Variants in NXPE2 observed in about 807,000 individuals in gnomAD.
The protein encoded by NXPE2 is neurexophilin and PC-esterase domain family member 2, also known as NXPE family member 2.
NXPE2 carries 34 observed loss-of-function variants against 34.4 expected under a neutral mutation model. That is an observed-to-expected ratio of 0.99 (90% CI 0.75 to 1.31). NXPE2 has a LOEUF of 1.31. Ranked by LOEUF, NXPE2 falls within the 40% of genes most tolerant of loss-of-function variation. The pLI, the probability that NXPE2 is intolerant of heterozygous loss-of-function variation, is 0.00. For missense variants in NXPE2, 649 were observed against 672.5 expected, an observed-to-expected ratio of 0.97 and a Z score of 0.39; for synonymous variants, 235 against 231.3, an observed-to-expected ratio of 1.02 and a Z score of -0.15.
the NXPE2 span, among the ~76,000 whole-genome samples, chr11:114,718,183 C>A: frequency 6.6e-6 from 1 of 152,158 alleles, no homozygotes; most frequent in Non-Finnish European, 1.5e-5. Context: ...GGATTCAAAT[C>A]CCAACCTGGT....
the NXPE2 span, among the ~76,000 whole-genome samples, chr11:114,598,671 G>T: frequency 1.1e-4 from 16 of 150,602 alleles, no homozygotes; most frequent in Admixed American, 8.7e-4. Context: ...GGGCCTCTTT[G>T]AGCCATGGCT....
At chr11:114,512,913 C>T in the NXPE2 span, 2 of 311,520 alleles carry the variant, frequency 6.4e-6, no homozygotes, top group African/African-American at 4.4e-5. Flanking sequence ...CAGTATTGAC[C>T]TGAGAGGTGC....
At chr11:114,737,976 A>G in the NXPE2 span, among the ~76,000 whole-genome samples, 2 of 152,084 alleles carry the variant, frequency 1.3e-5, no homozygotes, top group African/African-American at 4.8e-5. Context: ...ATTCCCGGCT[A>G]CTCAGGAGGC....
the NXPE2 span, among the ~76,000 whole-genome samples, chr11:114,714,068 T>C: frequency 2.0e-5 from 3 of 152,248 alleles, no homozygotes; most frequent in Non-Finnish European, 2.9e-5. Context: ...TATGTGCTAT[T>C]GACAGTATGT....
At chr11:114,763,269 A>G in the NXPE2 span, among the ~76,000 whole-genome samples, 1 of 151,944 alleles carries the variant, frequency 6.6e-6, no homozygotes, top group African/African-American at 2.4e-5. Context: ...CTTCTAACAA[A>G]CTCACTGATT....
chr11:114,496,869 C>A, the NXPE2 span, among the ~76,000 whole-genome samples: 1 of 152,104 alleles, frequency 6.6e-6, no homozygotes. Flanking sequence ...TTACTTACGT[C>A]TTTGTGCTGA....
At chr11:114,784,238 A>C in the NXPE2 span, among the ~76,000 whole-genome samples, 1 of 152,168 alleles carries the variant, frequency 6.6e-6, no homozygotes, top group East Asian at 1.9e-4. Context: ...TGAGAAGGAG[A>C]CCTTCCATTG....
chr11:114,478,442 G>C, the NXPE2 span, among the ~76,000 whole-genome samples: 5 of 152,114 alleles, frequency 3.3e-5, no homozygotes, highest in African/African-American at 9.7e-5. Context: ...TTTTCTAAAG[G>C]AAATGCTCCA....
At chr11:114,727,008 G>A in the NXPE2 span, among the ~76,000 whole-genome samples, 1 of 151,738 alleles carries the variant, frequency 6.6e-6, no homozygotes, top group African/African-American at 2.4e-5. Flanking sequence ...CCTTCAAATG[G>A]CCATTCATGA....
the NXPE2 span, among the ~76,000 whole-genome samples, chr11:114,813,686 A>C: frequency 1.3e-5 from 2 of 152,230 alleles, no homozygotes; most frequent in Non-Finnish European, 2.9e-5. Flanking sequence ...GCAATGAATA[A>C]AACACATTTT....
chr11:114,482,948 C>T, the NXPE2 span, among the ~76,000 whole-genome samples: 1 of 152,206 alleles, frequency 6.6e-6, no homozygotes, highest in Non-Finnish European at 1.5e-5. Flanking sequence ...CCTCCCACTG[C>T]TCCCAGCATC....
the NXPE2 span, chr11:114,554,520 C>T: frequency 3.3e-6 from 1 of 301,040 alleles, no homozygotes; most frequent in Non-Finnish European, 4.9e-6. Flanking sequence ...GCCAATTATA[C>T]TGAGGTATAG....
the NXPE2 span, chr11:114,594,834 G>C: frequency 1.2e-6 from 1 of 863,952 alleles, no homozygotes; most frequent in Non-Finnish European, 1.8e-6. Flanking sequence ...AAACAAACAT[G>C]GGAAACATTT....
chr11:114,504,755 A>G, the NXPE2 span, among the ~76,000 whole-genome samples: 2 of 152,212 alleles, frequency 1.3e-5, no homozygotes, highest in African/African-American at 4.8e-5. Context: ...GATTGAAGGT[A>G]GATAAGCCCA....
the NXPE2 span, among the ~76,000 whole-genome samples, chr11:114,657,677 C>T: frequency 2.0e-5 from 3 of 152,002 alleles, no homozygotes; most frequent in Non-Finnish European, 4.4e-5. Context: ...TATTTGAATT[C>T]ATGCATTTAA....
chr11:114,702,474 G>A (rs1236850632), intron 3 of NXPE2, among the ~76,000 whole-genome samples: 2 of 152,120 alleles, frequency 1.3e-5, no homozygotes, highest in Non-Finnish European at 2.9e-5. Flanking sequence ...TCTTACTCTT[G>A]TGCCAAAAAT....
chr11:114,631,943 C>A, the NXPE2 span, among the ~76,000 whole-genome samples: 1 of 150,674 alleles, frequency 6.6e-6, no homozygotes, highest in Admixed American at 6.7e-5. Flanking sequence ...TAAATATTGC[C>A]TTGTAGGTAA....
the NXPE2 span, among the ~76,000 whole-genome samples, chr11:114,732,734 TAC>T: frequency 1.2e-4 from 18 of 152,320 alleles, no homozygotes; most frequent in Non-Finnish European, 2.4e-4. Flanking sequence ...GATTTCAAAA[TAC>T]CTGCATTAAT....
chr11:114,801,919 G>A, the NXPE2 span, among the ~76,000 whole-genome samples: 282 of 152,254 alleles, frequency 1.9e-3, 1 homozygote, highest in Non-Finnish European at 3.1e-3. Flanking sequence ...ACCAGACAGC[G>A]GAGAGGCATT....
Sources: allele counts gnomAD v4.1 joint callset (sites outside exome capture counted in the v4.1 genomes callset), GRCh38; gene constraint gnomAD v4.1.1; transcripts MANE v1.5; gene names NCBI Gene and HGNC (gene_info 2026-07-23, HGNC 2026-07-21).